The following ABCB8 variants were observed in gnomAD, a reference collection of about 807,000 sequenced individuals.
ABCB8 encodes ATP binding cassette subfamily B member 8.
A neutral mutation model predicts 73.0 loss-of-function variants in ABCB8; 52 were observed. The observed-to-expected ratio is 0.71, with a 90% CI of 0.57 to 0.90. ABCB8 has a LOEUF of 0.90. ABCB8 is among the 40% of genes least tolerant of loss of function. The probability of loss-of-function intolerance (pLI) is 0.00; values close to 1 mark genes in which losing one functional copy is unlikely to be tolerated. For missense variants in ABCB8, 909 were observed against 974.6 expected (o/e 0.93, Z 0.90); for synonymous variants, 428 against 423.5 (o/e 1.01, Z -0.13).
intron 11 of ABCB8, 84 bp downstream of exon 11, chr7:151,040,718 T>C (rs1358257580): frequency 1.2e-6 from 2 of 1,600,724 alleles, no homozygotes; most frequent in Non-Finnish European, 1.7e-6. Context: ...TCTGGACTAA[T>C]GTCCCCCATA....
rs1796049022 is a variant in ABCB8, at chr7:151,028,802, A to G, written c.95+192A>G. 4.5e-6 allele frequency: 7 copies of G among 1,551,056 alleles called. No homozygotes were observed. In the South Asian group the frequency reaches 7.0e-5, roughly 16 times the overall value. ...TAGTGACACTCCAGTCGCCAGCAGGAGGCTCCTGCGTCTGCAGCCGCGTGT... is the reference window on the plus strand; with the variant it reads ...TAGTGACACTCCAGTCGCCAGCAGGGGGCTCCTGCGTCTGCAGCCGCGTGT... On this transcript the variant is annotated intron_variant, in intron 1 of 15. Coordinates refer to ENST00000358849, the MANE Select transcript of ABCB8 (RefSeq NM_007188.5).
chr7:151,045,341 A>G lies in ABCB8; in HGVS notation c.2149A>G (p.Lys717Glu). The change falls in exon 16 of 16, where the codon AAG (lysine) becomes GAG (glutamate). Residue 717 changes from lysine to glutamate, a missense_variant. Transcript: ENST00000358849. ...AGAAGGCCCCAGGAGCCACCAGCAC[A>G]AGTCCTGAGAAGGGCCCCCTGAGGT... ...KPEGPRSHQH[K>E]S The G allele has an allele frequency of 6.4e-7, 1 of 1,563,150 alleles. No individual in the cohort carries two copies. The highest frequency in any genetic ancestry group is 1.9e-5 in the Admixed American group (1 of 52,708).
At chr7:151,037,260 T>A (rs1796335484) in intron 9 of ABCB8, 1 of 702,934 alleles carries the variant, frequency 1.4e-6, no homozygotes, top group African/African-American at 1.7e-5. Context: ...TGTTGCACCC[T>A]GTCCGAATTC....
At chr7:151,045,116 G>GACCTAAGT in intron 15 of ABCB8, 93 bp from the exon 16 acceptor site, 1 of 1,400,118 alleles carries the variant, frequency 7.1e-7, no homozygotes, top group Non-Finnish European at 9.4e-7. Flanking sequence ...AGTGACCATG[G>GACCTAAGT]GCCCAATGGC....
intron 9 of ABCB8, chr7:151,037,641 T>G: frequency 2.9e-6 from 1 of 347,726 alleles, no homozygotes; most frequent in Non-Finnish European, 5.5e-6. Context: ...TGCCACCCCA[T>G]CCCTCCCCCC....
chr7:151,043,947 C>T (rs1170281995), intron 14 of ABCB8, 24 bp from the exon 15 acceptor site: 2 of 1,604,222 alleles, frequency 1.2e-6, no homozygotes, highest in African/African-American at 1.3e-5. Flanking sequence ...GCTTCAGGCT[C>T]CTGCCCTGCC....
At chr7:151,036,671 T>C (rs937409792) in intron 9 of ABCB8, 22 bp downstream of exon 9, 22 of 1,567,530 alleles carry the variant, frequency 1.4e-5, no homozygotes, top group Non-Finnish European at 1.9e-5. Context: ...CCGTTCCCAT[T>C]GCTACAGAGC....
intron 11 of ABCB8, 70 bp from the exon 12 acceptor site, chr7:151,040,758 A>G (rs968404072): frequency 1.6e-5 from 26 of 1,599,612 alleles, no homozygotes; most frequent in Non-Finnish European, 2.0e-5. Context: ...CTACAGGGAG[A>G]CTTCAGGAGG....
chr7:151,029,092 G>T, intron 1 of ABCB8: 2 of 856,596 alleles, frequency 2.3e-6, no homozygotes, highest in Non-Finnish European at 3.0e-6. Flanking sequence ...GGAAGGCCAG[G>T]AGTTCGAGAC....
rs1043381815 is a variant in ABCB8 at position 151,047,503 on chromosome 7, T to C, written c.*2154T>C. The C allele has an allele frequency of 6.6e-6, 1 of 152,274 alleles. No homozygotes were observed. The highest frequency in any genetic ancestry group is 2.4e-5 in the African/African-American group (1 of 41,462). 9.4% of individuals were successfully genotyped at this position (152,274 alleles called of 1,614,324 possible). ...TTAATCAAGCACCTGTCATGTGCCATTGAGCCCACGATGGGGAATGAGGAC... is the reference window on the plus strand; with the variant it reads ...TTAATCAAGCACCTGTCATGTGCCACTGAGCCCACGATGGGGAATGAGGAC... On this transcript the variant is annotated 3_prime_UTR_variant, in exon 16 of 16. Coordinates refer to ENST00000358849, the MANE Select transcript of ABCB8 (RefSeq NM_007188.5).
intron 9 of ABCB8, chr7:151,039,586 T>C (rs1387659094): frequency 6.6e-6 from 1 of 152,320 alleles, no homozygotes; most frequent in East Asian, 1.9e-4. Context: ...ACCCACTGTC[T>C]AGACAGATAA....
rs765838063 is a variant in ABCB8 at position 151,031,224 on chromosome 7, A to G, written c.96-2381A>G. On this transcript the variant is annotated intron_variant, in intron 1 of 15. Transcript: ENST00000358849. ...GTTCTGCCAGTGCTGTCTAAGATAT[A>G]ATTTCCTGCCTTTCAGAAACACATG... 18 of 1,469,166 alleles carry G rather than the reference A, an allele frequency of 1.2e-5. No homozygotes were observed. The Admixed American group carries it at 1.7e-4, about 14-fold the overall frequency. 91.0% of individuals were successfully genotyped at this position (1,469,166 alleles called of 1,614,324 possible).
chr7:151,041,020 C>T, intron 12 of ABCB8, 79 bp from the exon 13 acceptor site: 2 of 1,608,096 alleles, frequency 1.2e-6, no homozygotes, highest in Non-Finnish European at 1.7e-6. Context: ...GTCCCTTCCT[C>T]CACTGCCACA....
intron 11 of ABCB8, 83 bp from the exon 12 acceptor site, chr7:151,040,744 AG>A: frequency 6.2e-7 from 1 of 1,600,912 alleles, no homozygotes; most frequent in East Asian, 2.2e-5. Context: ...GCCCTCTCAG[AG>A]GGCTACAGGG....
rs1490765733 is a variant in ABCB8, at chr7:151,044,056, A to G, written c.1851A>G (p.Ile617Met). 6.2e-7 allele frequency: 1 copy of G among 1,613,600 alleles called. No individual in the cohort carries two copies. Among genetic ancestry groups the G allele is most frequent in the Non-Finnish European group, 8.5e-7 (1 of 1,179,956 alleles). The change falls in exon 15 of 16, where the codon ATA becomes ATG. Residue 617 changes from isoleucine to methionine, a missense_variant. By Grantham distance (10) the Ile-to-Met change is conservative. Transcript: ENST00000358849. ...TTATCAAGCAGCCCACGGTGCTGAT[A>G]CTGGATGAAGCTACCAGCGCGCTGG... is the stretch of plus-strand genomic sequence containing the variant. ...RALIKQPTVL[I>M]LDEATSALDA...
chr7:151,031,703 C>T (rs1472873667), intron 1 of ABCB8: 2 of 154,686 alleles, frequency 1.3e-5, no homozygotes, highest in Non-Finnish European at 2.9e-5. Context: ...ACGATCTTGG[C>T]TCGCTGTGAC....
intron 15 of ABCB8, among the ~76,000 whole-genome samples, chr7:151,044,902 C>T (rs1257826180): frequency 1.3e-5 from 2 of 152,178 alleles, no homozygotes; most frequent in Non-Finnish European, 2.9e-5. Flanking sequence ...AACAGCCACT[C>T]ATTCAAGCCA....
chr7:151,038,686 C>T (rs1796376407), intron 9 of ABCB8: 1 of 152,136 alleles, frequency 6.6e-6, no homozygotes, highest in African/African-American at 2.4e-5. Context: ...TTACCTCCCA[C>T]CGTACTGCTT....
rs758827266 is a variant in ABCB8 at position 151,036,524 on chromosome 7, T to A, written c.1112-20T>A. ...TCCTCTGCCCTGGCTTCGTCCTCCC[T>A]CACTTCCCCTCTCCTGCAGGCATGG... On this transcript the variant is annotated intron_variant, in intron 8 of 15. Coordinates refer to ENST00000358849, the MANE Select transcript of ABCB8 (RefSeq NM_007188.5). 4 of 1,606,288 alleles carry A rather than the reference T, an allele frequency of 2.5e-6. No homozygotes were observed. The highest frequency in any genetic ancestry group is 3.4e-6 in the Non-Finnish European group (4 of 1,172,952).
Sources: allele counts gnomAD v4.1 joint callset (sites outside exome capture counted in the v4.1 genomes callset), GRCh38; gene constraint gnomAD v4.1.1; transcripts MANE v1.5; gene names NCBI Gene and HGNC (gene_info 2026-07-23, HGNC 2026-07-21).